The following SLC18A2 variants were observed in gnomAD, a reference collection of about 807,000 sequenced individuals.
The protein encoded by SLC18A2 is solute carrier family 18 member A2.
In SLC18A2, 33 loss-of-function variants were observed where a neutral mutation model predicts 59.2. The ratio of observed to expected loss-of-function variants is 0.56; its 90% confidence interval spans 0.42 to 0.75. The LOEUF (loss-of-function observed/expected upper bound fraction) is 0.75. Ranked by LOEUF, SLC18A2 falls within the 30% of genes least tolerant of loss-of-function variation. The probability of loss-of-function intolerance (pLI) is 0.00; values close to 1 mark genes in which losing one functional copy is unlikely to be tolerated. For synonymous variants in SLC18A2, 228 were observed against 253.5 expected (o/e 0.90, Z 0.95); for missense variants, 569 against 668.6 (o/e 0.85, Z 1.64).
At chr10:117,267,404 T>C (rs967734578) in intron 12 of SLC18A2, 29 of 442,136 alleles carry the variant, frequency 6.6e-5, no homozygotes, top group Admixed American at 1.1e-4. Context: ...GGCCTACTTG[T>C]TCTTGTCAAA....
chr10:117,246,761 AC>A (rs1335746905), intron 3 of SLC18A2, among the ~76,000 whole-genome samples: 1 of 151,898 alleles, frequency 6.6e-6, no homozygotes, highest in African/African-American at 2.4e-5. Context: ...CAAGCAATTC[AC>A]ATGTCTCAGT....
In SLC18A2 at chr10:117,257,785, C is replaced by A. The variant is rs372726190; in HGVS notation, c.896-12C>A. The A allele has an allele frequency of 1.3e-6, 2 of 1,578,000 alleles. No homozygotes were observed. The highest frequency in any genetic ancestry group is 1.1e-5 in the South Asian group (1 of 87,018). ...GGCAGAAGCCACTACAAAGCCCTTTCCTCCCTTACAGGCTCCATCTGCTTT... is the reference window on the plus strand; with the variant it reads ...GGCAGAAGCCACTACAAAGCCCTTTACTCCCTTACAGGCTCCATCTGCTTT... On this transcript the variant is annotated splice_polypyrimidine_tract_variant and intron_variant, in intron 9 of 15. Transcript: ENST00000644641.
rs1042787482 is a variant in SLC18A2 at position 117,244,327 on chromosome 10, C to T, written c.464+14C>T. 1 of 1,600,362 alleles carries T rather than the reference C, an allele frequency of 6.2e-7. No homozygotes were observed. Among genetic ancestry groups the T allele is most frequent in the Non-Finnish European group, 8.5e-7 (1 of 1,171,018 alleles). ...ACTGACCAACAGGTAGGGCAGACTA[C>T]TTTAGTCAAAGAGTTTGATATTTGT... On this transcript the variant is annotated intron_variant, in intron 3 of 15. Transcript: ENST00000644641.
At chr10:117,242,820 C>T (rs1004130768) in intron 2 of SLC18A2, among the ~76,000 whole-genome samples, 1 of 152,196 alleles carries the variant, frequency 6.6e-6, no homozygotes, top group African/African-American at 2.4e-5. Flanking sequence ...GCAACCTCCA[C>T]CTCCCGGGTT....
intron 15 of SLC18A2, among the ~76,000 whole-genome samples, chr10:117,273,488 A>G (rs1268253864): frequency 6.6e-6 from 1 of 152,178 alleles, no homozygotes; most frequent in Non-Finnish European, 1.5e-5. Flanking sequence ...TGAGGATTGC[A>G]GCTTTCTTTT....
intron 10 of SLC18A2, among the ~76,000 whole-genome samples, chr10:117,261,598 G>T (rs1844295160): frequency 6.6e-6 from 1 of 152,262 alleles, no homozygotes; most frequent in South Asian, 2.1e-4. Flanking sequence ...TCCAGCCCTG[G>T]GGAATGGGGG....
chr10:117,251,628 G>C (rs1358276380), intron 3 of SLC18A2, among the ~76,000 whole-genome samples: 2 of 152,166 alleles, frequency 1.3e-5, no homozygotes, highest in Non-Finnish European at 2.9e-5. Flanking sequence ...TGTATTTTTG[G>C]TATTTGGTTT....
chr10:117,244,845 C>T (rs992129601), intron 3 of SLC18A2, among the ~76,000 whole-genome samples: 4 of 152,282 alleles, frequency 2.6e-5, no homozygotes, highest in Non-Finnish European at 4.4e-5. Context: ...GAGTTGATGC[C>T]GAGGTCATGG....
At chr10:117,256,489 C>T (rs1680873710) in intron 9 of SLC18A2, among the ~76,000 whole-genome samples, 1 of 152,208 alleles carries the variant, frequency 6.6e-6, no homozygotes, top group Admixed American at 6.5e-5. Context: ...TTAGACTTGT[C>T]TAAGCACGGC....
chr10:117,278,274 T>C lies in SLC18A2; in HGVS notation c.*1008T>C, dbSNP rs188302596. On this transcript the variant is annotated 3_prime_UTR_variant, in exon 16 of 16. Transcript: ENST00000644641. The stretch of plus-strand genomic sequence containing the variant: ...TGTCTGAAACTACTATTTTTTAGAC[T>C]CCTGAAAGTTGTTCACATCAATGTG... 8.5e-4 allele frequency: 130 copies of C among 152,366 alleles called. No homozygotes were observed. Among genetic ancestry groups the C allele is most frequent in the African/African-American group, 3.0e-3 (124 of 41,582 alleles). 9.4% of individuals were successfully genotyped at this position (152,366 alleles called of 1,614,324 possible).
intron 3 of SLC18A2, among the ~76,000 whole-genome samples, chr10:117,248,154 T>C (rs1844128389): frequency 1.3e-5 from 2 of 151,962 alleles, no homozygotes; most frequent in Non-Finnish European, 2.9e-5. Flanking sequence ...TTAGTAGAGA[T>C]GGGGTTTCAG....
rs545952600 is a variant in SLC18A2, at chr10:117,253,235, A to G, written c.465-164A>G. Among the ~76,000 whole-genome samples, 5 of 152,326 alleles carry G rather than the reference A, an allele frequency of 3.3e-5. No homozygotes were observed. In the South Asian group the frequency reaches 1.0e-3, roughly 32 times the overall value. On this transcript the variant is annotated intron_variant, in intron 3 of 15. Transcript: ENST00000644641. ...ATGTATTCACGTTCCAAGACAGTCA[A>G]ACACAAAAAGGTCACATAGGAAGCA...
rs781688868 is a variant in SLC18A2, at chr10:117,269,470, C to T, written c.1187-601C>T. Reference sequence around the variant, plus strand: ...ACAACCACGACCAGCATTAGAATCTCGTCTCTTGAATAGTGGGGAGCAGGT... The same window carrying T: ...ACAACCACGACCAGCATTAGAATCTTGTCTCTTGAATAGTGGGGAGCAGGT... On this transcript the variant is annotated intron_variant, in intron 13 of 15. Coordinates refer to ENST00000644641, the MANE Select transcript of SLC18A2 (RefSeq NM_003054.6). The surrounding 1 kb of genome is among the most constrained non-coding windows in gnomAD (Gnocchi z 5.1). Among the ~76,000 whole-genome samples, 1 of 152,168 alleles carries T rather than the reference C, an allele frequency of 6.6e-6. No individual in the cohort carries two copies. The highest frequency in any genetic ancestry group is 2.1e-4 in the South Asian group (1 of 4,818).
intron 3 of SLC18A2, among the ~76,000 whole-genome samples, chr10:117,245,064 A>G (rs1404316915): frequency 6.6e-6 from 1 of 152,178 alleles, no homozygotes; most frequent in Non-Finnish European, 1.5e-5. Flanking sequence ...GCTGAGGTGG[A>G]CCAGTTCTGC....
chr10:117,242,073 A>C, intron 2 of SLC18A2: 3 of 361,532 alleles, frequency 8.3e-6, no homozygotes, highest in Non-Finnish European at 9.9e-6. Context: ...CCCCCTGATA[A>C]TTTCCCGCAT....
intron 13 of SLC18A2, among the ~76,000 whole-genome samples, chr10:117,268,885 G>GTGTA (rs1302380831): frequency 6.6e-6 from 1 of 151,602 alleles, no homozygotes; most frequent in Admixed American, 6.6e-5. Context: ...GTGTATGAGT[G>GTGTA]TGTATGTGTG....
intron 3 of SLC18A2, among the ~76,000 whole-genome samples, chr10:117,252,402 G>A (rs1254104916): frequency 6.6e-6 from 1 of 151,994 alleles, no homozygotes; most frequent in Admixed American, 6.6e-5. Context: ...AGGTTCCTGA[G>A]GGTCCAGAGC....
chr10:117,270,916 C>T (rs991311980), intron 15 of SLC18A2, among the ~76,000 whole-genome samples: 10 of 152,220 alleles, frequency 6.6e-5, no homozygotes, highest in Admixed American at 2.0e-4. Flanking sequence ...GATGATTTTA[C>T]GATTTTTATG....
At chr10:117,243,114 T>A (rs1444333535) in intron 2 of SLC18A2, among the ~76,000 whole-genome samples, 5 of 150,380 alleles carry the variant, frequency 3.3e-5, no homozygotes, top group African/African-American at 4.9e-5. Flanking sequence ...AGATTCCCAC[T>A]CATAATAGAA....
Sources: allele counts gnomAD v4.1 joint callset (sites outside exome capture counted in the v4.1 genomes callset), GRCh38; gene constraint gnomAD v4.1.1; non-coding constraint Gnocchi (gnomAD v3.1); transcripts MANE v1.5; gene names NCBI Gene and HGNC (gene_info 2026-07-23, HGNC 2026-07-21).